The following BMPR1A variants were observed in gnomAD, a reference collection of about 807,000 sequenced individuals.
BMPR1A encodes the protein bone morphogenetic protein receptor type-1A.
In BMPR1A, 7 loss-of-function variants were observed where a neutral mutation model predicts 66.0. The observed-to-expected ratio is 0.11, with a 90% CI of 0.06 to 0.20. The LOEUF is 0.20. BMPR1A is among the 10% of genes least tolerant of loss of function. BMPR1A has a pLI of 1.00. For missense variants in BMPR1A, 408 were observed against 669.1 expected (o/e 0.61, Z 4.31); for synonymous variants, 200 against 229.7 (o/e 0.87, Z 1.17).
chr10:86,783,789 A>G (rs1366294089), intron 1 of BMPR1A, among the ~76,000 whole-genome samples: 1 of 152,152 alleles, frequency 6.6e-6, no homozygotes, highest in African/African-American at 2.4e-5. Context: ...GGGTCTTGCC[A>G]TCTTGCCCAA....
chr10:86,804,195 A>G (rs1298891285), intron 1 of BMPR1A, among the ~76,000 whole-genome samples: 2 of 152,142 alleles, frequency 1.3e-5, no homozygotes, highest in Non-Finnish European at 2.9e-5. Context: ...TATATTCACA[A>G]TTGGGACTTA....
intron 1 of BMPR1A, among the ~76,000 whole-genome samples, chr10:86,795,456 T>C (rs903038692): frequency 6.6e-6 from 1 of 152,156 alleles, no homozygotes; most frequent in African/African-American, 2.4e-5. Flanking sequence ...GAATAGATCT[T>C]TTTCCCCTAA....
intron 1 of BMPR1A, among the ~76,000 whole-genome samples, chr10:86,765,689 A>G (rs1441239119): frequency 1.3e-5 from 2 of 152,138 alleles, no homozygotes; most frequent in African/African-American, 4.8e-5. Context: ...CTAACTACGT[A>G]TTACCATAGA....
chr10:86,768,005 T>A (rs1280931439), intron 1 of BMPR1A, among the ~76,000 whole-genome samples: 1 of 152,232 alleles, frequency 6.6e-6, no homozygotes, highest in Admixed American at 6.5e-5. Context: ...GTTCCCCTAG[T>A]AAGATGGTAC....
intron 2 of BMPR1A, chr10:86,855,184 G>A (rs1300272737): frequency 7.3e-6 from 4 of 548,290 alleles, no homozygotes; most frequent in South Asian, 5.6e-5. Flanking sequence ...GATTACAGGC[G>A]TGAGCCACCA....
At chr10:86,853,771 T>C (rs1842603778) in intron 2 of BMPR1A, among the ~76,000 whole-genome samples, 1 of 152,102 alleles carries the variant, frequency 6.6e-6, no homozygotes, top group African/African-American at 2.4e-5. Flanking sequence ...TGCAAATAGG[T>C]GTGGGTCACA....
chr10:86,856,093 C>T, intron 2 of BMPR1A: 1 of 538,214 alleles, frequency 1.9e-6, no homozygotes, highest in Non-Finnish European at 3.6e-6. Context: ...AAAAGACTTT[C>T]TTTCAGTAAT....
chr10:86,825,543 G>C (rs2125057), intron 1 of BMPR1A, among the ~76,000 whole-genome samples: 55,783 of 150,894 alleles, frequency 0.37, 10,694 homozygotes, highest in East Asian at 0.67. Flanking sequence ...GTGATGCAAT[G>C]ATGGTTTACT....
At chr10:86,909,559 C>G (rs1353018546) in intron 7 of BMPR1A, among the ~76,000 whole-genome samples, 1 of 150,034 alleles carries the variant, frequency 6.7e-6, no homozygotes, top group Non-Finnish European at 1.5e-5. Flanking sequence ...GTACTCTAGC[C>G]TGGGCGACAA....
intron 5 of BMPR1A, among the ~76,000 whole-genome samples, chr10:86,893,257 G>A (rs1466033357): frequency 6.6e-6 from 1 of 152,088 alleles, no homozygotes; most frequent in African/African-American, 2.4e-5. Context: ...AAATGTTAAG[G>A]CCTTGTAAGG....
At chr10:86,789,249 A>G (rs369243279) in intron 1 of BMPR1A, among the ~76,000 whole-genome samples, 1 of 152,346 alleles carries the variant, frequency 6.6e-6, no homozygotes, top group African/African-American at 2.4e-5. Context: ...GATTTCTTCA[A>G]TATGACAACA....
At chr10:86,835,251 A>AG (rs1301801449) in intron 1 of BMPR1A, among the ~76,000 whole-genome samples, 3 of 125,338 alleles carry the variant, frequency 2.4e-5, no homozygotes, top group Admixed American at 2.3e-4. Context: ...GAAAAAAAGA[A>AG]AAAAAAAAAA....
intron 9 of BMPR1A, among the ~76,000 whole-genome samples, chr10:86,918,699 C>T (rs1363088702): frequency 6.6e-6 from 1 of 151,588 alleles, no homozygotes; most frequent in Non-Finnish European, 1.5e-5. Flanking sequence ...TCTTGGCTCA[C>T]TGCAACCTCT....
chr10:86,916,952 C>G (rs1439605648), intron 8 of BMPR1A, among the ~76,000 whole-genome samples, 182 bp from the exon 9 acceptor site: 1 of 151,760 alleles, frequency 6.6e-6, no homozygotes, highest in African/African-American at 2.4e-5. Context: ...GAGATCGCGC[C>G]ACTGCACTCC....
At chr10:86,766,473 A>G (rs547662071) in intron 1 of BMPR1A, among the ~76,000 whole-genome samples, 41 of 152,282 alleles carry the variant, frequency 2.7e-4, no homozygotes, top group African/African-American at 9.6e-4. Context: ...TATGAAATGA[A>G]TTCTTAGAAA....
At chr10:86,876,758 C>T (rs1842926039) in intron 3 of BMPR1A, among the ~76,000 whole-genome samples, 1 of 152,178 alleles carries the variant, frequency 6.6e-6, no homozygotes, top group Admixed American at 6.5e-5. Flanking sequence ...GGCGACAGAG[C>T]AAGACTCTTG....
At chr10:86,872,159 C>G (rs1842862227) in intron 2 of BMPR1A, among the ~76,000 whole-genome samples, 1 of 152,152 alleles carries the variant, frequency 6.6e-6, no homozygotes, top group African/African-American at 2.4e-5. Context: ...CAAGTTATCA[C>G]AGCTTTTTTT....
chr10:86,793,492 T>C (rs1265301326), intron 1 of BMPR1A, among the ~76,000 whole-genome samples: 2 of 151,628 alleles, frequency 1.3e-5, no homozygotes, highest in African/African-American at 4.8e-5. Flanking sequence ...GCCTCCCGAG[T>C]AGCTGGGATT....
At chr10:86,891,701 A>G (rs1843152105) in intron 4 of BMPR1A, among the ~76,000 whole-genome samples, 1 of 152,146 alleles carries the variant, frequency 6.6e-6, no homozygotes, top group South Asian at 2.1e-4. Flanking sequence ...TGTTTCAGAG[A>G]AAAGTTTGTT....
Sources: gnomAD v4.1 joint callset for allele counts (sites outside exome capture counted in the v4.1 genomes callset) on GRCh38, gnomAD v4.1.1 for gene constraint, MANE v1.5 for transcripts, NCBI Gene and HGNC (gene_info 2026-07-23, HGNC 2026-07-21) for gene names.